Variants in CAPRIN2 observed in about 807,000 individuals in gnomAD.
CAPRIN2 encodes the protein caprin family member 2.
A neutral mutation model predicts 130.4 loss-of-function variants in CAPRIN2; 66 were observed. The ratio of observed to expected loss-of-function variants is 0.51; its 90% CI spans 0.42 to 0.62. The LOEUF is 0.62. CAPRIN2 is among the 20% of genes least tolerant of loss of function. The pLI is 0.00. For missense variants in CAPRIN2, 1,185 were observed against 1,246.6 expected (o/e 0.95, Z 0.74); for synonymous variants, 471 against 444.1 (o/e 1.06, Z -0.76).
intron 11 of CAPRIN2, among the ~76,000 whole-genome samples, chr12:30,722,208 T>C (rs1373035137): frequency 2.0e-5 from 3 of 152,212 alleles, no homozygotes; most frequent in Non-Finnish European, 4.4e-5. Flanking sequence ...TCCAAATTAG[T>C]GCTTTTTAAG....
At chr12:30,728,035 C>A (rs1290832756) in intron 8 of CAPRIN2, among the ~76,000 whole-genome samples, 1 of 151,992 alleles carries the variant, frequency 6.6e-6, no homozygotes, top group Admixed American at 6.5e-5. Context: ...GCATTACTCA[C>A]TTGTTCACAT....
intron 11 of CAPRIN2, 131 bp from the exon 13 acceptor site, chr12:30,721,046 T>C (rs1214725644): frequency 3.2e-6 from 2 of 632,962 alleles, no homozygotes; most frequent in African/African-American, 3.7e-5. Flanking sequence ...CTAAACACTT[T>C]ATACGTGTTA....
chr12:30,731,405 T>C (rs2062641245), exon 6 of CAPRIN2: 1 of 1,613,172 alleles, frequency 6.2e-7, no homozygotes, highest in South Asian at 1.1e-5. Context: ...TATTAGCATT[T>C]CTTCCTCCAG....
At chr12:30,709,741 T>C in exon 17 of CAPRIN2, 1 of 694,518 alleles carries the variant, frequency 1.4e-6, no homozygotes, top group Non-Finnish European at 2.3e-6. Context: ...TCATTCAGCT[T>C]GATTTTTCAC....
chr12:30,744,351 T>A (rs923509198), intron 2 of CAPRIN2, among the ~76,000 whole-genome samples: 3 of 152,216 alleles, frequency 2.0e-5, no homozygotes, highest in Admixed American at 2.0e-4. Context: ...TGCTTAAACA[T>A]ATCTGTACCA....
intron 3 of CAPRIN2, among the ~76,000 whole-genome samples, chr12:30,739,304 C>A (rs539957859): frequency 2.0e-5 from 3 of 152,234 alleles, no homozygotes; most frequent in African/African-American, 7.2e-5. Context: ...AACACAGAAA[C>A]AGAAAGCAAA....
At chr12:30,735,883 G>GT (rs1351828414) in intron 3 of CAPRIN2, among the ~76,000 whole-genome samples, 1 of 152,136 alleles carries the variant, frequency 6.6e-6, no homozygotes, top group Admixed American at 6.5e-5. Context: ...ATACACACCT[G>GT]TAATCCCAGC....
At chr12:30,713,334 AAACTT>A (rs1255123034) in intron 15 of CAPRIN2, among the ~76,000 whole-genome samples, 1 of 133,398 alleles carries the variant, frequency 7.5e-6, no homozygotes, top group Non-Finnish European at 1.7e-5. Context: ...CAACAACAAA[AAACTT>A]AACGAAAAAG....
At chr12:30,729,858 C>CT (rs982038671) in intron 7 of CAPRIN2, among the ~76,000 whole-genome samples, 1 of 152,150 alleles carries the variant, frequency 6.6e-6, no homozygotes, top group Admixed American at 6.6e-5. Flanking sequence ...AACAAATACC[C>CT]TTTTCTGCTA....
At chr12:30,728,847 G>A (rs1307048294) in exon 8 of CAPRIN2, 2 of 1,614,156 alleles carry the variant, frequency 1.2e-6, no homozygotes, top group Non-Finnish European at 1.7e-6. Context: ...AGTGGTCCAT[G>A]ACTTGGTGGT....
chr12:30,718,661 A>G (rs568569706), intron 12 of CAPRIN2, among the ~76,000 whole-genome samples: 10 of 152,364 alleles, frequency 6.6e-5, no homozygotes, highest in African/African-American at 2.4e-4. Flanking sequence ...AAATAAAATG[A>G]AAGTTTCAGC....
At chr12:30,719,430 T>G (rs1199675421) in intron 12 of CAPRIN2, 8 of 562,664 alleles carry the variant, frequency 1.4e-5, no homozygotes, top group Admixed American at 1.3e-4. Flanking sequence ...GCTTGCTGAC[T>G]AAGTGAAAGA....
At chr12:30,723,448 A>G in intron 10 of CAPRIN2, 134 bp from the exon 12 acceptor site, 2 of 618,524 alleles carry the variant, frequency 3.2e-6, no homozygotes, top group South Asian at 3.9e-5. Context: ...TTCATCATGC[A>G]CTTTCTATTA....
At chr12:30,741,134 T>A (rs1392916905) in intron 2 of CAPRIN2, 28 bp from the exon 4 acceptor site, 1 of 1,342,688 alleles carries the variant, frequency 7.4e-7, no homozygotes, top group Non-Finnish European at 1.1e-6. Context: ...AAAACATAAA[T>A]TTTGTGACTG....
At chr12:30,731,591 G>C in intron 5 of CAPRIN2, 81 bp from the exon 7 acceptor site, 1 of 1,123,510 alleles carries the variant, frequency 8.9e-7, no homozygotes, top group African/African-American at 1.6e-5. Flanking sequence ...TTTTATCCTA[G>C]TTGTAGTACA....
At chr12:30,736,014 G>A (rs1393467265) in intron 3 of CAPRIN2, among the ~76,000 whole-genome samples, 1 of 151,950 alleles carries the variant, frequency 6.6e-6, no homozygotes, top group African/African-American at 2.4e-5. Flanking sequence ...GGTGGTGTGT[G>A]TCTGTAGTCC....
intron 12 of CAPRIN2, 116 bp from the exon 14 acceptor site, chr12:30,719,341 A>G: frequency 8.7e-7 from 1 of 1,152,106 alleles, no homozygotes; most frequent in Admixed American, 2.3e-5. Context: ...ATTTGGACAC[A>G]GGAATGCAAA....
At chr12:30,754,881 C>G (rs1481003108), upstream of CAPRIN2, 10 of 152,158 alleles carry the variant, frequency 6.6e-5, no homozygotes, top group Non-Finnish European at 1.3e-4. Context: ...TCTCCTCCCT[C>G]TCCCCTCCCG....
exon 1 of CAPRIN2, chr12:30,753,706 T>C (rs1327004717): frequency 1.2e-6 from 2 of 1,613,912 alleles, no homozygotes; most frequent in Non-Finnish European, 1.7e-6. Flanking sequence ...TCCCTTAAAC[T>C]CTTTTCCACA....
Sources: gnomAD v4.1 joint callset for allele counts (sites outside exome capture counted in the v4.1 genomes callset) on GRCh38, gnomAD v4.1.1 for gene constraint, MANE v1.5 for transcripts, NCBI Gene and HGNC (gene_info 2026-07-23, HGNC 2026-07-21) for gene names.